CTNNA3: variants seen among roughly 807,000 people sequenced by gnomAD.
The protein encoded by CTNNA3 is catenin alpha 3.
A neutral mutation model predicts 95.7 loss-of-function variants in CTNNA3; 76 were observed. The observed-to-expected ratio is 0.79, with a 90% confidence interval of 0.66 to 0.96. The LOEUF (loss-of-function observed/expected upper bound fraction) is 0.96. Among genes scored for constraint, CTNNA3 ranks in the 40% least tolerant of loss-of-function variants. CTNNA3 has a pLI of 0.00. For synonymous variants in CTNNA3, 431 were observed against 374.4 expected (o/e 1.15, Z -1.74); for missense variants, 1,191 against 1,089.8 (o/e 1.09, Z -1.31).
chr10:66,348,108 T>A (rs920853835), intron 12 of CTNNA3, among the ~76,000 whole-genome samples: 1 of 152,116 alleles, frequency 6.6e-6, no homozygotes, highest in Admixed American at 6.5e-5. Flanking sequence ...ACAATCAGGT[T>A]GGCATCAGAT....
chr10:67,095,825 CT>C (rs1345011640), intron 7 of CTNNA3, among the ~76,000 whole-genome samples: 3 of 151,782 alleles, frequency 2.0e-5, no homozygotes, highest in Non-Finnish European at 2.9e-5. Flanking sequence ...TATTTTTGTT[CT>C]CTTCTATAAC....
intron 15 of CTNNA3, among the ~76,000 whole-genome samples, chr10:66,003,524 G>A (rs79784638): frequency 0.08 from 12,219 of 152,060 alleles, 536 homozygotes; most frequent in East Asian, 0.11. Flanking sequence ...TTTCATGGAG[G>A]GGGAAAAATC....
intron 9 of CTNNA3, among the ~76,000 whole-genome samples, chr10:66,732,797 T>C (rs1849003061): frequency 6.6e-6 from 1 of 151,846 alleles, no homozygotes; most frequent in Admixed American, 6.6e-5. Context: ...AGTCATACCT[T>C]TTCTTTTTTT....
intron 12 of CTNNA3, among the ~76,000 whole-genome samples, chr10:66,304,549 C>T (rs1304737372): frequency 6.6e-6 from 1 of 152,010 alleles, no homozygotes; most frequent in Non-Finnish European, 1.5e-5. Context: ...ATCAGTAGTA[C>T]AATAAATATA....
In CTNNA3 at chr10:67,450,943, G is replaced by A. The variant is rs183795635; in HGVS notation, c.579+70899C>T. Among the ~76,000 whole-genome samples, 323 of 152,074 alleles carry A rather than the reference G, an allele frequency of 2.1e-3. 2 individuals carry two copies. Among genetic ancestry groups the A allele is most frequent in the African/African-American group, 7.5e-3 (310 of 41,510 alleles). Reference sequence around the variant, plus strand: ...GATGGCCTTTCGAGACTTAGAACCTGCTATGGTTTGAAAGTGTCCCCAAAG... The same window carrying A: ...GATGGCCTTTCGAGACTTAGAACCTACTATGGTTTGAAAGTGTCCCCAAAG... On this transcript the variant is annotated intron_variant, in intron 5 of 17. Coordinates refer to ENST00000433211, the MANE Select transcript of CTNNA3 (RefSeq NM_013266.4).
intron 10 of CTNNA3, among the ~76,000 whole-genome samples, chr10:66,540,137 T>C (rs2660006): frequency 0.92 from 140,116 of 152,116 alleles, 64,727 homozygotes; most frequent in East Asian, 0.98. Context: ...AAGTACAAGC[T>C]ATGATCCCTG....
chr10:67,503,098 T>C (rs1000029784), intron 5 of CTNNA3, among the ~76,000 whole-genome samples: 1 of 152,224 alleles, frequency 6.6e-6, no homozygotes, highest in Non-Finnish European at 1.5e-5. Context: ...CTTGGTAGCA[T>C]AGGCACTCAA....
At chr10:67,723,805 C>T (rs1381348481) in intron 1 of CTNNA3, among the ~76,000 whole-genome samples, 2 of 152,102 alleles carry the variant, frequency 1.3e-5, no homozygotes, top group African/African-American at 4.8e-5. Flanking sequence ...ACAATTCTCT[C>T]ATGCAGTCAG....
chr10:67,035,181 G>A (rs1201771072), intron 7 of CTNNA3, among the ~76,000 whole-genome samples: 2 of 152,124 alleles, frequency 1.3e-5, no homozygotes, highest in African/African-American at 4.8e-5. Context: ...TTACCCATAT[G>A]AATATATAGA....
At chr10:66,891,291 G>A (rs1335283269) in intron 7 of CTNNA3, among the ~76,000 whole-genome samples, 3 of 152,148 alleles carry the variant, frequency 2.0e-5, no homozygotes, top group African/African-American at 7.2e-5. Context: ...AAGGGAAATT[G>A]AAAGAAATGC....
At chr10:66,256,821 G>A (rs1197734921) in intron 13 of CTNNA3, among the ~76,000 whole-genome samples, 1 of 152,072 alleles carries the variant, frequency 6.6e-6, no homozygotes, top group Non-Finnish European at 1.5e-5. Flanking sequence ...AATAAACCCA[G>A]GGCTCATCCC....
Position 66,394,415 on chromosome 10 carries a change from C to T in CTNNA3, c.1532-15063G>A, listed in dbSNP as rs16922942. 1.2e-3 allele frequency among the ~76,000 whole-genome samples: 182 copies of T among 151,962 alleles called. 2 individuals carry two copies. The highest frequency in any genetic ancestry group is 4.3e-3 in the African/African-American group (179 of 41,502). On this transcript the variant is annotated intron_variant, in intron 11 of 17. Coordinates refer to ENST00000433211, the MANE Select transcript of CTNNA3 (RefSeq NM_013266.4). ...AAACAAACAGAAAAAGTGAAACAAA[C>T]CTTAGGCATTCTCACTCAGACCATA...
At chr10:66,001,268 T>TCCC (rs1026033117) in intron 15 of CTNNA3, among the ~76,000 whole-genome samples, 6 of 152,118 alleles carry the variant, frequency 3.9e-5, no homozygotes, top group Non-Finnish European at 7.4e-5. Flanking sequence ...TTACCCTTCC[T>TCCC]CCCTCTCTCC....
At chr10:66,978,906 T>C (rs1850239043) in intron 7 of CTNNA3, among the ~76,000 whole-genome samples, 1 of 150,438 alleles carries the variant, frequency 6.6e-6, no homozygotes, top group Non-Finnish European at 1.5e-5. Flanking sequence ...CATTACTAAA[T>C]CTTGACTAGC....
chr10:66,542,108 C>T (rs968756159), intron 10 of CTNNA3, among the ~76,000 whole-genome samples: 1 of 152,054 alleles, frequency 6.6e-6, no homozygotes, highest in Non-Finnish European at 1.5e-5. Flanking sequence ...CAAAAGAAGA[C>T]ATTTATGCAG....
intron 7 of CTNNA3, among the ~76,000 whole-genome samples, chr10:66,822,873 T>A (rs1842350056): frequency 6.6e-6 from 1 of 152,218 alleles, no homozygotes; most frequent in African/African-American, 2.4e-5. Flanking sequence ...CTTTACATTT[T>A]TTTAGGTGTA....
At chr10:67,254,025 T>C (rs1459644603) in intron 5 of CTNNA3, among the ~76,000 whole-genome samples, 1 of 152,208 alleles carries the variant, frequency 6.6e-6, no homozygotes, top group Non-Finnish European at 1.5e-5. Flanking sequence ...AGAGAGATTA[T>C]TTAAACTGCA....
At chr10:66,954,547 C>T (rs951206551) in intron 7 of CTNNA3, among the ~76,000 whole-genome samples, 40 of 152,162 alleles carry the variant, frequency 2.6e-4, no homozygotes, top group African/African-American at 8.9e-4. Flanking sequence ...AGGCACTGGT[C>T]ATGCCCCATG....
rs892735986 is a variant in CTNNA3, at chr10:66,101,977, AT to A, written c.1977+1179del. Among the ~76,000 whole-genome samples the A allele has an allele frequency of 9.4e-4, 143 of 152,076 alleles. 1 individual carries two copies. Among genetic ancestry groups the A allele is most frequent in the African/African-American group, 3.1e-3 (130 of 41,506 alleles). On this transcript the variant is annotated intron_variant, in intron 14 of 17. Transcript: ENST00000433211. ...ATCAAAACATGTGAGGAATATCAAC[AT>A]TTTTTTTAAGGAAATGTGCACTAAC...
Sources: gnomAD v4.1 joint callset for allele counts (sites outside exome capture counted in the v4.1 genomes callset) on GRCh38, gnomAD v4.1.1 for gene constraint, MANE v1.5 for transcripts, NCBI Gene and HGNC (gene_info 2026-07-23, HGNC 2026-07-21) for gene names.